Variants in SNTG2 observed in about 807,000 individuals in gnomAD.
SNTG2 encodes gamma-2-syntrophin.
A neutral mutation model predicts 70.9 loss-of-function variants in SNTG2; 74 were observed. The ratio of observed to expected loss-of-function variants is 1.04; its 90% confidence interval spans 0.86 to 1.27. The LOEUF is 1.27. Among genes scored for constraint, SNTG2 ranks in the 50% most tolerant of loss-of-function variants. SNTG2 has a pLI of 0.00. For synonymous variants in SNTG2, 278 were observed against 273.8 expected (o/e 1.02, Z -0.15); for missense variants, 717 against 690.7 (o/e 1.04, Z -0.43).
chr2:1,076,314 A>G (rs1161822136), intron 1 of SNTG2, among the ~76,000 whole-genome samples: 1 of 152,172 alleles, frequency 6.6e-6, no homozygotes, highest in East Asian at 1.9e-4. Context: ...CGTATGGCCC[A>G]GTAATTTGCG....
intron 6 of SNTG2, among the ~76,000 whole-genome samples, chr2:1,162,883 G>A (rs1387064463): frequency 2.0e-4 from 30 of 152,198 alleles, no homozygotes; most frequent in Admixed American, 2.0e-3. Flanking sequence ...TTGTACTGCA[G>A]CAGCCTGTAT....
chr2:1,113,184 A>T (rs1666634850), intron 4 of SNTG2, among the ~76,000 whole-genome samples: 1 of 151,324 alleles, frequency 6.6e-6, no homozygotes, highest in Admixed American at 6.6e-5. Context: ...TAACCCTTAC[A>T]GTCCTTTGAG....
At chr2:1,132,689 A>G (rs969993773) in intron 4 of SNTG2, among the ~76,000 whole-genome samples, 2 of 152,184 alleles carry the variant, frequency 1.3e-5, no homozygotes, top group Non-Finnish European at 2.9e-5. Context: ...CGGGTTAGCC[A>G]TCCTCCACTG....
chr2:1,035,154 C>T (rs1286662535), intron 1 of SNTG2, among the ~76,000 whole-genome samples: 1 of 152,188 alleles, frequency 6.6e-6, no homozygotes, highest in East Asian at 1.9e-4. Flanking sequence ...ACAAGAAGTT[C>T]TTTGAAATTA....
At chr2:1,001,520 G>C (rs1330317624) in intron 1 of SNTG2, among the ~76,000 whole-genome samples, 1 of 151,852 alleles carries the variant, frequency 6.6e-6, no homozygotes, top group African/African-American at 2.4e-5. Flanking sequence ...ATGTACAATA[G>C]CTACAATAAG....
chr2:1,328,269 T>C (rs908797905), intron 16 of SNTG2, among the ~76,000 whole-genome samples: 6 of 152,110 alleles, frequency 3.9e-5, no homozygotes, highest in Admixed American at 3.3e-4. Context: ...TCAGGTACCA[T>C]GTAGGTAATA....
At chr2:1,326,124 C>T (rs1407168905) in intron 16 of SNTG2, among the ~76,000 whole-genome samples, 11 of 152,284 alleles carry the variant, frequency 7.2e-5, no homozygotes, top group African/African-American at 2.2e-4. Context: ...TGAGCCGCTG[C>T]ACCCAGCCGG....
chr2:1,061,339 T>C (rs1662811990), intron 1 of SNTG2, among the ~76,000 whole-genome samples: 1 of 152,144 alleles, frequency 6.6e-6, no homozygotes, highest in Non-Finnish European at 1.5e-5. Flanking sequence ...AATAGAAAGG[T>C]ATTGTGAGAT....
intron 6 of SNTG2, among the ~76,000 whole-genome samples, chr2:1,154,991 T>G (rs1669769005): frequency 1.1e-5 from 1 of 91,794 alleles, no homozygotes; most frequent in African/African-American, 3.1e-5. Flanking sequence ...ACACCACACA[T>G]ATACACACAC....
chr2:1,342,217 T>A (rs937360847), intron 16 of SNTG2, among the ~76,000 whole-genome samples: 2 of 121,776 alleles, frequency 1.6e-5, no homozygotes. Flanking sequence ...TCTGGCTTGT[T>A]ATGAATTATG....
intron 1 of SNTG2, among the ~76,000 whole-genome samples, chr2:1,041,386 T>C (rs1026111274): frequency 6.6e-6 from 1 of 152,226 alleles, no homozygotes; most frequent in Non-Finnish European, 1.5e-5. Context: ...CTACTGTTTT[T>C]GTTGTTGTTG....
intron 7 of SNTG2, among the ~76,000 whole-genome samples, chr2:1,169,217 T>C (rs1050372087): frequency 1.3e-5 from 2 of 151,880 alleles, no homozygotes; most frequent in African/African-American, 4.8e-5. Flanking sequence ...GAAGAGAAGA[T>C]AGTGGCTTGG....
chr2:1,096,016 A>AC (rs1270862000), intron 2 of SNTG2, among the ~76,000 whole-genome samples: 2 of 151,224 alleles, frequency 1.3e-5, no homozygotes, highest in African/African-American at 2.4e-5. Flanking sequence ...GAGGGAATGA[A>AC]CCCCCCCTTG....
chr2:984,140 C>A (rs11894793), intron 1 of SNTG2, among the ~76,000 whole-genome samples: 59,582 of 151,964 alleles, frequency 0.39, 12,037 homozygotes, highest in Middle Eastern at 0.48. Context: ...GCAGAGGTGA[C>A]GCTATTGAAT....
intron 4 of SNTG2, among the ~76,000 whole-genome samples, chr2:1,099,681 T>TGA (rs1385707561): frequency 3.2e-4 from 21 of 65,348 alleles, no homozygotes; most frequent in South Asian, 1.2e-3. Flanking sequence ...GTGAGGGCAG[T>TGA]TGTGGTGAGG....
intron 1 of SNTG2, among the ~76,000 whole-genome samples, chr2:979,337 T>C (rs1661023310): frequency 6.6e-6 from 1 of 152,202 alleles, no homozygotes; most frequent in African/African-American, 2.4e-5. Context: ...CAATGAAGAA[T>C]TCAAGGAGAT....
intron 8 of SNTG2, among the ~76,000 whole-genome samples, chr2:1,195,751 C>T (rs773928958): frequency 4.6e-5 from 7 of 152,100 alleles, no homozygotes; most frequent in Non-Finnish European, 8.8e-5. Context: ...TCTATTTTGG[C>T]TTTTGTTGCC....
At chr2:1,061,689 G>T (rs1054276326) in intron 1 of SNTG2, among the ~76,000 whole-genome samples, 3 of 152,144 alleles carry the variant, frequency 2.0e-5, no homozygotes, top group African/African-American at 7.2e-5. Context: ...AAGTCCTTTA[G>T]TCCTTTGTCT....
At chr2:1,128,792 C>T (rs1299269910) in intron 4 of SNTG2, among the ~76,000 whole-genome samples, 1 of 152,006 alleles carries the variant, frequency 6.6e-6, no homozygotes, top group Admixed American at 6.6e-5. Flanking sequence ...TCGTCCAGGG[C>T]TGATAGCCAT....
Sources: allele counts gnomAD v4.1 joint callset (sites outside exome capture counted in the v4.1 genomes callset), GRCh38; gene constraint gnomAD v4.1.1; transcripts MANE v1.5; gene names NCBI Gene and HGNC (gene_info 2026-07-23, HGNC 2026-07-21).